The following FOXP1 variants were observed in gnomAD, a reference collection of about 807,000 sequenced individuals.
The protein encoded by FOXP1 is forkhead box P1.
FOXP1 carries 15 observed loss-of-function variants against 98.2 expected under a neutral mutation model. The observed-to-expected ratio is 0.15, with a 90% confidence interval of 0.10 to 0.24. The LOEUF is 0.24. Ranked by LOEUF, FOXP1 falls within the 10% of genes least tolerant of loss-of-function variation. The pLI, the probability that FOXP1 is intolerant of heterozygous loss-of-function variation, is 1.00. For synonymous variants in FOXP1, 371 were observed against 314.5 expected, an observed-to-expected ratio of 1.18 and a Z score of -1.90; for missense variants, 633 against 848.5, an observed-to-expected ratio of 0.75 and a Z score of 3.15.
intron 4 of FOXP1, among the ~76,000 whole-genome samples, chr3:71,343,184 G>A (rs1490897763): frequency 2.0e-5 from 3 of 152,178 alleles, no homozygotes; most frequent in Non-Finnish European, 2.9e-5. Flanking sequence ...CACTAACATA[G>A]AGATGGCATC....
intron 17 of FOXP1, among the ~76,000 whole-genome samples, chr3:70,972,947 A>G (rs1202306878): frequency 1.3e-5 from 2 of 152,256 alleles, no homozygotes; most frequent in African/African-American, 4.8e-5. Flanking sequence ...ATACAAGCCC[A>G]AAATAGGTTC....
chr3:71,059,664 T>G (rs1005596656), intron 7 of FOXP1, among the ~76,000 whole-genome samples: 1 of 152,130 alleles, frequency 6.6e-6, no homozygotes, highest in Non-Finnish European at 1.5e-5. Context: ...GTAGCTGGGA[T>G]GGAAAACAAT....
At chr3:70,964,878 C>T (rs1415826626) in intron 20 of FOXP1, among the ~76,000 whole-genome samples, 1 of 152,124 alleles carries the variant, frequency 6.6e-6, no homozygotes, top group Admixed American at 6.5e-5. Context: ...ACACTTTTTT[C>T]TTTGTCATTA....
chr3:71,272,287 C>T (rs557082654), intron 5 of FOXP1, among the ~76,000 whole-genome samples: 19 of 152,246 alleles, frequency 1.2e-4, no homozygotes, highest in African/African-American at 4.1e-4. Flanking sequence ...GCAATGAAAA[C>T]GAGAAATAAT....
chr3:71,346,840 T>C (rs111647313), intron 4 of FOXP1, among the ~76,000 whole-genome samples: 22 of 152,208 alleles, frequency 1.4e-4, no homozygotes, highest in African/African-American at 4.8e-4. Flanking sequence ...GGTCAAGAGA[T>C]AGAGACTATC....
At chr3:71,127,443 T>G (rs6549379) in intron 6 of FOXP1, among the ~76,000 whole-genome samples, 48,796 of 151,962 alleles carry the variant, frequency 0.32, 9,440 homozygotes, top group Non-Finnish European at 0.43. Flanking sequence ...CCATGCTGTA[T>G]CTTTAAAAAA....
chr3:71,267,161 A>T (rs2069773302), intron 5 of FOXP1, among the ~76,000 whole-genome samples: 1 of 105,758 alleles, frequency 9.5e-6, no homozygotes, highest in African/African-American at 3.2e-5. Flanking sequence ...GTGTGTAAAC[A>T]TTAACTTATT....
At chr3:71,138,077 C>T (rs956255029) in intron 6 of FOXP1, among the ~76,000 whole-genome samples, 2 of 152,050 alleles carry the variant, frequency 1.3e-5, no homozygotes, top group Non-Finnish European at 2.9e-5. Flanking sequence ...TGTATTATTG[C>T]CTGAGTGTTT....
intron 13 of FOXP1, among the ~76,000 whole-genome samples, chr3:70,994,008 GAAAAA>G (rs2107550204): frequency 7.7e-6 from 1 of 129,252 alleles, no homozygotes; most frequent in South Asian, 2.5e-4. Context: ...AGAAGAAAAA[GAAAAA>G]GAAAAAGAAA....
At chr3:71,092,142 C>T (rs993450823) in intron 7 of FOXP1, among the ~76,000 whole-genome samples, 2 of 148,858 alleles carry the variant, frequency 1.3e-5, no homozygotes, top group African/African-American at 2.5e-5. Flanking sequence ...GAGCTGAGAT[C>T]GCACCACTGC....
At chr3:71,439,221 C>A (rs533591896) in intron 3 of FOXP1, among the ~76,000 whole-genome samples, 2 of 152,186 alleles carry the variant, frequency 1.3e-5, no homozygotes, top group Non-Finnish European at 2.9e-5. Context: ...TATGGCTGCA[C>A]GAGAGCTGCT....
At chr3:71,142,623 C>G (rs180680865) in intron 6 of FOXP1, among the ~76,000 whole-genome samples, 3 of 152,200 alleles carry the variant, frequency 2.0e-5, no homozygotes, top group Admixed American at 6.5e-5. Flanking sequence ...AAGCAGGGAC[C>G]TCAGTCCTAC....
intron 11 of FOXP1, among the ~76,000 whole-genome samples, chr3:71,030,848 C>CT (rs1199498285): frequency 6.6e-6 from 1 of 152,146 alleles, no homozygotes; most frequent in Non-Finnish European, 1.5e-5. Context: ...TCACACTGAT[C>CT]TTTAACACGA....
At chr3:71,266,928 G>A (rs527859693) in intron 5 of FOXP1, among the ~76,000 whole-genome samples, 17 of 152,200 alleles carry the variant, frequency 1.1e-4, no homozygotes, top group Non-Finnish European at 1.0e-4. Flanking sequence ...TGCAGTTTTG[G>A]ACTTTCAATG....
chr3:71,458,585 A>T (rs1038369637), intron 3 of FOXP1, among the ~76,000 whole-genome samples: 2 of 152,234 alleles, frequency 1.3e-5, no homozygotes, highest in African/African-American at 4.8e-5. Context: ...TGAGCAAAAT[A>T]ACAGAATATA....
At position 71,440,130 on chromosome 3, in the gene FOXP1, G is replaced by A. The variant is rs932963403; in HGVS notation, c.-168+53296C>T. The stretch of plus-strand genomic sequence containing the variant: ...AAGTAGAATGCTGGTTGCCAGGGGA[G>A]GAGGGAGTTTCAGTTATGCAAGATG... On this transcript the variant is annotated intron_variant, in intron 3 of 20. Transcript: ENST00000649528. 2.9e-4 allele frequency among the ~76,000 whole-genome samples: 44 copies of A among 152,142 alleles called. 2 individuals are homozygous for A. Among genetic ancestry groups the A allele is most frequent in the Non-Finnish European group, 1.5e-5 (1 of 68,028 alleles).
chr3:71,504,361 A>G (rs1217321457), intron 2 of FOXP1, among the ~76,000 whole-genome samples: 1 of 152,198 alleles, frequency 6.6e-6, no homozygotes, highest in African/African-American at 2.4e-5. Flanking sequence ...ATACTTCAGC[A>G]TTTAGTTGTC....
At chr3:71,320,649 C>A (rs1209103219) in intron 4 of FOXP1, among the ~76,000 whole-genome samples, 1 of 152,150 alleles carries the variant, frequency 6.6e-6, no homozygotes, top group East Asian at 1.9e-4. Context: ...TCAATCATTT[C>A]TCTTGCTAAG....
chr3:71,405,366 C>T (rs1452165973), intron 3 of FOXP1, among the ~76,000 whole-genome samples: 4 of 152,152 alleles, frequency 2.6e-5, no homozygotes, highest in East Asian at 3.8e-4. Flanking sequence ...CATCACCTTA[C>T]GAGTAAAAAC....
Sources: gnomAD v4.1 joint callset for allele counts (sites outside exome capture counted in the v4.1 genomes callset) on GRCh38, gnomAD v4.1.1 for gene constraint, MANE v1.5 for transcripts, NCBI Gene and HGNC (gene_info 2026-07-23, HGNC 2026-07-21) for gene names.